Variants in SYNPR observed in about 807,000 individuals in gnomAD.
SYNPR encodes synaptoporin.
In SYNPR, 23 loss-of-function variants were observed where a neutral mutation model predicts 32.9. That is an observed-to-expected ratio of 0.70 (90% CI 0.50 to 0.99). The LOEUF is 0.99. Among genes scored for constraint, SYNPR ranks in the 50% least tolerant of loss-of-function variants. The pLI is 0.00. For synonymous variants in SYNPR, 146 were observed against 135.9 expected, an observed-to-expected ratio of 1.07 and a Z score of -0.52; for missense variants, 318 against 349.3, an observed-to-expected ratio of 0.91 and a Z score of 0.71.
intron 2 of SYNPR, among the ~76,000 whole-genome samples, chr3:63,402,756 C>G (rs1178064675): frequency 6.6e-6 from 1 of 152,192 alleles, no homozygotes. Context: ...ACTGCTATAT[C>G]CCCAGTTCCT....
At chr3:63,298,972 G>A (rs985410281) in intron 2 of SYNPR, among the ~76,000 whole-genome samples, 11 of 152,120 alleles carry the variant, frequency 7.2e-5, no homozygotes, top group African/African-American at 2.7e-4. Context: ...TAAGAAAGAG[G>A]TAGAGAATAA....
chr3:63,523,449 GCT>G (rs1192243198), intron 3 of SYNPR, among the ~76,000 whole-genome samples: 1 of 152,128 alleles, frequency 6.6e-6, no homozygotes, highest in East Asian at 1.9e-4. Context: ...AGCCCCATCA[GCT>G]CTCTCTCTGT....
At chr3:63,508,210 T>C (rs148660046) in intron 3 of SYNPR, among the ~76,000 whole-genome samples, 100 of 152,262 alleles carry the variant, frequency 6.6e-4, no homozygotes, top group African/African-American at 2.2e-3. Context: ...AGGATTTTGT[T>C]CTTTCTTGCT....
chr3:63,267,706 T>C (rs2086501980), intron 3 of SYNPR, among the ~76,000 whole-genome samples: 1 of 152,200 alleles, frequency 6.6e-6, no homozygotes, highest in Non-Finnish European at 1.5e-5. Context: ...GGCTGCAGAA[T>C]AGGGGAAGAT....
intron 2 of SYNPR, among the ~76,000 whole-genome samples, chr3:63,332,185 T>G (rs2106985032): frequency 6.6e-6 from 1 of 152,316 alleles, no homozygotes; most frequent in Admixed American, 6.5e-5. Flanking sequence ...CTCAGAAACT[T>G]CAGGCTGTAG....
intron 2 of SYNPR, 99 bp downstream of exon 2, chr3:63,278,841 C>T: frequency 4.6e-6 from 6 of 1,311,478 alleles, no homozygotes; most frequent in Non-Finnish European, 5.2e-6. Flanking sequence ...TGCTCCAAGC[C>T]GGAGATTCAA....
At chr3:63,517,502 C>T (rs970101718) in intron 3 of SYNPR, among the ~76,000 whole-genome samples, 2 of 152,068 alleles carry the variant, frequency 1.3e-5, no homozygotes, top group Non-Finnish European at 2.9e-5. Context: ...GATAGTATCC[C>T]TTTTTTATTA....
intron 2 of SYNPR, among the ~76,000 whole-genome samples, chr3:63,476,087 G>A (rs1316890233): frequency 7.0e-6 from 1 of 143,366 alleles, no homozygotes; most frequent in Non-Finnish European, 1.5e-5. Context: ...ATAGAGGAAG[G>A]GAGGGAGGGA....
intron 3 of SYNPR, among the ~76,000 whole-genome samples, chr3:63,539,124 G>A (rs543341133): frequency 6.6e-6 from 1 of 151,966 alleles, no homozygotes; most frequent in African/African-American, 2.4e-5. Flanking sequence ...GACATCTGTT[G>A]TTTCAGTTTC....
intron 2 of SYNPR, among the ~76,000 whole-genome samples, chr3:63,365,675 C>T (rs542150202): frequency 7.9e-5 from 12 of 152,180 alleles, no homozygotes; most frequent in East Asian, 1.9e-4. Flanking sequence ...GTTCTCTTTT[C>T]GTTAATTTGA....
At chr3:63,201,847 CT>C in the SYNPR span, among the ~76,000 whole-genome samples, 1 of 151,996 alleles carries the variant, frequency 6.6e-6, no homozygotes, top group East Asian at 1.9e-4. Context: ...GAACATAAAA[CT>C]TGAATTATAG....
chr3:63,339,858 T>G (rs913813873), intron 2 of SYNPR, among the ~76,000 whole-genome samples: 1 of 152,174 alleles, frequency 6.6e-6, no homozygotes, highest in Admixed American at 6.5e-5. Flanking sequence ...GGTTTCACTA[T>G]GTTGGCCAGG....
intron 4 of SYNPR, among the ~76,000 whole-genome samples, chr3:63,604,805 G>A (rs1296522529): frequency 6.6e-6 from 1 of 151,990 alleles, no homozygotes; most frequent in African/African-American, 2.4e-5. Flanking sequence ...CTGTTGTAAG[G>A]GCAAATTTTG....
chr3:63,493,297 C>T lies in SYNPR; in HGVS notation c.209+12341C>T, dbSNP rs77938048. On this transcript the variant is annotated intron_variant, in intron 3 of 5. Coordinates refer to ENST00000478300, the MANE Select transcript of SYNPR (RefSeq NM_001130003.2). Reference sequence around the variant, plus strand: ...GGATTGGCAAGTATTCAAACTGACTCGCTAGTCAGATACTCTGGCAGCCAG... The same window carrying T: ...GGATTGGCAAGTATTCAAACTGACTTGCTAGTCAGATACTCTGGCAGCCAG... Among the ~76,000 whole-genome samples the T allele has an allele frequency of 2.2e-3, 335 of 152,164 alleles. 1 individual carries two copies. The highest frequency in any genetic ancestry group is 0.01 in the Middle Eastern group (3 of 294).
At chr3:63,571,959 T>G (rs962755871) in intron 4 of SYNPR, among the ~76,000 whole-genome samples, 1 of 152,286 alleles carries the variant, frequency 6.6e-6, no homozygotes, top group East Asian at 1.9e-4. Context: ...GAACCAGCTC[T>G]AAGCAGGACA....
At chr3:63,342,775 T>C (rs894908964) in intron 2 of SYNPR, among the ~76,000 whole-genome samples, 4 of 152,214 alleles carry the variant, frequency 2.6e-5, no homozygotes, top group Admixed American at 1.3e-4. Flanking sequence ...TCTTTAATTA[T>C]AAATTCAATT....
intron 4 of SYNPR, among the ~76,000 whole-genome samples, chr3:63,580,930 G>A (rs183127142): frequency 6.6e-6 from 1 of 152,130 alleles, no homozygotes; most frequent in Admixed American, 6.6e-5. Context: ...AGTTTTGTGA[G>A]GTAGGTAGTA....
the SYNPR span, among the ~76,000 whole-genome samples, chr3:63,221,580 C>T: frequency 6.6e-6 from 1 of 152,096 alleles, no homozygotes; most frequent in Non-Finnish European, 1.5e-5. Flanking sequence ...GCTGTACCTT[C>T]TATGACCTTA....
chr3:63,403,375 A>AAT (rs772153228), intron 2 of SYNPR, among the ~76,000 whole-genome samples: 50 of 150,666 alleles, frequency 3.3e-4, no homozygotes, highest in Non-Finnish European at 4.4e-4. Flanking sequence ...CTTTTATATA[A>AAT]ATATATATAT....
Sources: allele counts gnomAD v4.1 joint callset (sites outside exome capture counted in the v4.1 genomes callset), GRCh38; gene constraint gnomAD v4.1.1; transcripts MANE v1.5; gene names NCBI Gene and HGNC (gene_info 2026-07-23, HGNC 2026-07-21).